The following ZNF469 variants were observed in gnomAD, a reference collection of about 807,000 sequenced individuals.
ZNF469 encodes zinc finger protein 469.
Under a neutral mutation model 1.0 loss-of-function variants are expected in ZNF469, and 1 was observed. The observed-to-expected ratio is 1.00, with a 90% CI of 0.35 to 4.73. The LOEUF (loss-of-function observed/expected upper bound fraction) is 4.73. Ranked by LOEUF, ZNF469 falls within the 30% of genes most tolerant of loss-of-function variation. The pLI is 0.16. For missense variants in ZNF469, 6,100 were observed against 5,356.3 expected (o/e 1.14, Z -4.33); for synonymous variants, 2,703 against 2,363.4 (o/e 1.14, Z -4.17).
At chr16:88,263,538 G>A in the ZNF469 span, among the ~76,000 whole-genome samples, 1 of 152,200 alleles carries the variant, frequency 6.6e-6, no homozygotes, top group Non-Finnish European at 1.5e-5. Context: ...GGTGGGGTTG[G>A]TTGGCTGAGG....
At chr16:88,240,434 T>TG in the ZNF469 span, among the ~76,000 whole-genome samples, 1 of 152,100 alleles carries the variant, frequency 6.6e-6, no homozygotes, top group Admixed American at 6.5e-5. Flanking sequence ...CAGGGCTGCG[T>TG]GGGGAGGCTG....
chr16:88,204,279 G>A, the ZNF469 span, among the ~76,000 whole-genome samples: 2 of 152,230 alleles, frequency 1.3e-5, no homozygotes, highest in African/African-American at 4.8e-5. Flanking sequence ...AGCAGCCGGA[G>A]GTGCCCCGTA....
the ZNF469 span, among the ~76,000 whole-genome samples, chr16:88,370,569 G>A: frequency 7.9e-5 from 12 of 152,260 alleles, no homozygotes; most frequent in East Asian, 9.6e-4. Flanking sequence ...TAGACGTTCC[G>A]TGTGACTGGG....
the ZNF469 span, among the ~76,000 whole-genome samples, chr16:88,239,715 A>ATT: frequency 1.5e-4 from 1 of 6,784 alleles, no homozygotes; most frequent in Non-Finnish European, 2.4e-4. Context: ...ATATATATAT[A>ATT]TTTTTTTTTT....
At chr16:88,108,565 G>A in the ZNF469 span, among the ~76,000 whole-genome samples, 51 of 152,312 alleles carry the variant, frequency 3.3e-4, no homozygotes, top group East Asian at 7.9e-3. Context: ...AGTTGCTGAT[G>A]TCCTAGGATC....
At chr16:88,128,131 G>A in the ZNF469 span, among the ~76,000 whole-genome samples, 1 of 152,190 alleles carries the variant, frequency 6.6e-6, no homozygotes, top group Admixed American at 6.5e-5. Context: ...GATGGCAGCT[G>A]TTGGGTGACC....
chr16:88,347,942 G>A, the ZNF469 span, among the ~76,000 whole-genome samples: 4 of 152,204 alleles, frequency 2.6e-5, no homozygotes, highest in African/African-American at 9.6e-5. Flanking sequence ...GGCAGGGCAG[G>A]GCTCTTCCCA....
the ZNF469 span, among the ~76,000 whole-genome samples, chr16:88,187,035 G>C: frequency 6.6e-6 from 1 of 152,188 alleles, no homozygotes; most frequent in Non-Finnish European, 1.5e-5. Flanking sequence ...CAGGTGGGGC[G>C]GCTGGGAGGC....
At chr16:88,334,497 C>T in the ZNF469 span, among the ~76,000 whole-genome samples, 540 of 152,286 alleles carry the variant, frequency 3.5e-3, 1 homozygote, top group African/African-American at 0.012. Context: ...ATTTTGGGTT[C>T]TGGGGCATTT....
At chr16:88,163,502 A>C in the ZNF469 span, among the ~76,000 whole-genome samples, 5 of 8,980 alleles carry the variant, frequency 5.6e-4, no homozygotes, top group South Asian at 0.012. Flanking sequence ...GGATGAATGG[A>C]TGGATGGATG....
chr16:88,156,867 G>A, the ZNF469 span, among the ~76,000 whole-genome samples: 244 of 152,092 alleles, frequency 1.6e-3, no homozygotes, highest in African/African-American at 3.8e-3. Flanking sequence ...CCTGGCCCAC[G>A]AACACCCAAC....
chr16:88,404,366 G>A (rs150275008), intron 1 of ZNF469, among the ~76,000 whole-genome samples: 10 of 152,342 alleles, frequency 6.6e-5, no homozygotes, highest in Admixed American at 2.6e-4. Context: ...GGCCCTGGGC[G>A]GCGCCGGCGG....
the ZNF469 span, among the ~76,000 whole-genome samples, chr16:88,134,940 C>T: frequency 6.6e-6 from 1 of 152,226 alleles, no homozygotes; most frequent in East Asian, 1.9e-4. Flanking sequence ...TCTCTGTTAA[C>T]TGATTCATTT....
chr16:88,233,923 C>T, the ZNF469 span, among the ~76,000 whole-genome samples: 1 of 152,386 alleles, frequency 6.6e-6, no homozygotes. Flanking sequence ...AAATTTGAAC[C>T]TTGGTTTAGG....
At chr16:88,174,476 G>GTCTATCTATCTATCTA in the ZNF469 span, among the ~76,000 whole-genome samples, 78 of 101,626 alleles carry the variant, frequency 7.7e-4, 1 homozygote, top group East Asian at 2.4e-3. Context: ...CTGTCTGTCT[G>GTCTATCTATCTATCTA]TCTATCTATC....
chr16:88,116,409 A>T, the ZNF469 span, among the ~76,000 whole-genome samples: 2 of 152,326 alleles, frequency 1.3e-5, no homozygotes, highest in East Asian at 3.9e-4. Flanking sequence ...TGCTGGCAGG[A>T]ATGCAAATGG....
At chr16:88,368,866 G>A in the ZNF469 span, among the ~76,000 whole-genome samples, 1 of 152,152 alleles carries the variant, frequency 6.6e-6, no homozygotes, top group Admixed American at 6.5e-5. Context: ...ATCACTTGAG[G>A]TCAGGAGTTC....
upstream of ZNF469, among the ~76,000 whole-genome samples, chr16:88,380,536 CGCACTAACACAG>C: frequency 7.3e-6 from 1 of 136,628 alleles, no homozygotes; most frequent in South Asian, 2.5e-4. Flanking sequence ...CTAACACACA[CGCACTAACACAG>C]ACATGCACTC....
At chr16:88,182,614 A>G in the ZNF469 span, among the ~76,000 whole-genome samples, 1 of 152,100 alleles carries the variant, frequency 6.6e-6, no homozygotes, top group Admixed American at 6.6e-5. Flanking sequence ...CTTTTTCAAC[A>G]AAGTGCCCAC....
Sources: gnomAD v4.1 joint callset for allele counts (sites outside exome capture counted in the v4.1 genomes callset) on GRCh38, gnomAD v4.1.1 for gene constraint, MANE v1.5 for transcripts, NCBI Gene and HGNC (gene_info 2026-07-23, HGNC 2026-07-21) for gene names.